Variants in MAPK10 observed in about 807,000 individuals in gnomAD.
MAPK10 encodes mitogen-activated protein kinase 10.
In MAPK10, 25 loss-of-function variants were observed where a neutral mutation model predicts 59.3. The observed-to-expected ratio is 0.42, with a 90% CI of 0.31 to 0.59. The LOEUF (loss-of-function observed/expected upper bound fraction) is 0.59, where lower values mean the gene tolerates loss of function less well. Ranked by LOEUF, MAPK10 falls within the 20% of genes least tolerant of loss-of-function variation. The pLI is 0.15. For missense variants in MAPK10, 351 were observed against 568.9 expected (o/e 0.62, Z 3.90); for synonymous variants, 190 against 200.5 (o/e 0.95, Z 0.44).
intron 9 of MAPK10, among the ~76,000 whole-genome samples, 173 bp from the exon 10 acceptor site, chr4:86,068,128 T>C (rs2047089230): frequency 6.6e-6 from 1 of 152,320 alleles, no homozygotes; most frequent in South Asian, 2.1e-4. Context: ...CTTCTTGAAA[T>C]TTTAAATTCA....
rs574934500 is a variant in MAPK10, at chr4:86,279,709, T to C, written c.-7+74821A>G. Among the ~76,000 whole-genome samples the C allele has an allele frequency of 2.5e-3, 378 of 152,056 alleles. 2 individuals carry two copies. The highest frequency in any genetic ancestry group is 8.7e-3 in the African/African-American group (363 of 41,486). On this transcript the variant is annotated intron_variant, in intron 2 of 13. Coordinates refer to ENST00000641462, the MANE Select transcript of MAPK10 (RefSeq NM_138982.4). ...AGGGGGGGCTCAACTAACCAAACACTCCCAATTGGAATTTCGATTCCTGAA... is the reference window on the plus strand; with the variant it reads ...AGGGGGGGCTCAACTAACCAAACACCCCCAATTGGAATTTCGATTCCTGAA...
chr4:86,321,041 T>A (rs1286086206), intron 2 of MAPK10, among the ~76,000 whole-genome samples: 1 of 152,068 alleles, frequency 6.6e-6, no homozygotes, highest in African/African-American at 2.4e-5. Context: ...TGAGATACCA[T>A]CTCACACCAG....
chr4:86,352,328 A>G (rs1185975906), intron 2 of MAPK10: 5 of 152,204 alleles, frequency 3.3e-5, no homozygotes, highest in Non-Finnish European at 7.3e-5. Flanking sequence ...ACAATAGACT[A>G]GATAAGTAAA....
chr4:86,302,587 T>C (rs1394479741), intron 2 of MAPK10, among the ~76,000 whole-genome samples: 1 of 152,242 alleles, frequency 6.6e-6, no homozygotes, highest in Non-Finnish European at 1.5e-5. Context: ...ATTTTACTGC[T>C]GATTTTTAAG....
intron 1 of MAPK10, among the ~76,000 whole-genome samples, chr4:86,528,827 C>T (rs1757663881): frequency 6.6e-6 from 1 of 152,194 alleles, no homozygotes; most frequent in East Asian, 1.9e-4. Context: ...TATTAGAACA[C>T]TCTCATTCAG....
At chr4:86,495,034 C>A (rs997769092) in intron 1 of MAPK10, among the ~76,000 whole-genome samples, 8 of 151,890 alleles carry the variant, frequency 5.3e-5, no homozygotes, top group African/African-American at 1.9e-4. Flanking sequence ...GAATTAAGGT[C>A]CAGAAAAAAC....
chr4:86,066,560 G>T (rs2046770048), intron 10 of MAPK10, among the ~76,000 whole-genome samples: 2 of 151,868 alleles, frequency 1.3e-5, no homozygotes, highest in South Asian at 4.2e-4. Context: ...AAGTCAGGAG[G>T]TCGAGACGAT....
chr4:86,506,208 T>C (rs1206378731), intron 1 of MAPK10, among the ~76,000 whole-genome samples: 1 of 152,098 alleles, frequency 6.6e-6, no homozygotes, highest in Non-Finnish European at 1.5e-5. Context: ...ATTCTGAACA[T>C]AATACCAAGG....
chr4:86,579,336 T>C (rs1762105025), intron 1 of MAPK10, among the ~76,000 whole-genome samples: 1 of 152,204 alleles, frequency 6.6e-6, no homozygotes, highest in African/African-American at 2.4e-5. Context: ...TTGTTTTTTC[T>C]GACTAGGTAA....
At chr4:86,372,473 C>T (rs748395308) in intron 1 of MAPK10, among the ~76,000 whole-genome samples, 3 of 149,200 alleles carry the variant, frequency 2.0e-5, no homozygotes, top group Non-Finnish European at 4.4e-5. Flanking sequence ...GCTGAGATGA[C>T]ACCACTGCAC....
intron 2 of MAPK10, among the ~76,000 whole-genome samples, chr4:86,211,413 G>A (rs1258983040): frequency 6.6e-6 from 1 of 152,078 alleles, no homozygotes; most frequent in Non-Finnish European, 1.5e-5. Context: ...GAGGGCAGAA[G>A]GGAGTGGGCT....
At chr4:86,130,166 A>C (rs78227126) in intron 4 of MAPK10, among the ~76,000 whole-genome samples, 2,533 of 152,260 alleles carry the variant, frequency 0.017, 71 homozygotes, top group African/African-American at 0.058. Context: ...CACTTTTGAC[A>C]ATCAAGTTCA....
intron 9 of MAPK10, among the ~76,000 whole-genome samples, chr4:86,091,924 G>A (rs142046218): frequency 3.9e-5 from 6 of 151,944 alleles, no homozygotes; most frequent in East Asian, 1.9e-4. Flanking sequence ...TGCCCACCTC[G>A]GCCTCCCAAA....
chr4:86,280,566 T>C (rs768136614), intron 2 of MAPK10, among the ~76,000 whole-genome samples: 7 of 152,026 alleles, frequency 4.6e-5, no homozygotes, highest in African/African-American at 4.8e-5. Context: ...AAACTAAAGA[T>C]AGAACTACCA....
intron 1 of MAPK10, among the ~76,000 whole-genome samples, chr4:86,513,212 T>G (rs755767036): frequency 3.9e-5 from 6 of 152,098 alleles, no homozygotes; most frequent in Non-Finnish European, 8.8e-5. Flanking sequence ...TATGCTCAAT[T>G]TATTTTTTTA....
At chr4:86,426,415 G>C (rs1747288438) in intron 1 of MAPK10, among the ~76,000 whole-genome samples, 1 of 152,130 alleles carries the variant, frequency 6.6e-6, no homozygotes, top group Non-Finnish European at 1.5e-5. Context: ...TTTTATTACT[G>C]GGTGATCAGA....
intron 1 of MAPK10, among the ~76,000 whole-genome samples, chr4:86,570,987 T>C (rs1761402106): frequency 6.6e-6 from 1 of 152,036 alleles, no homozygotes; most frequent in Non-Finnish European, 1.5e-5. Flanking sequence ...GTTCCAGTTA[T>C]AACCAGCTAC....
intron 2 of MAPK10, among the ~76,000 whole-genome samples, chr4:86,298,618 G>T (rs1335133048): frequency 6.6e-6 from 1 of 152,192 alleles, no homozygotes; most frequent in African/African-American, 2.4e-5. Context: ...CAGCATCTCA[G>T]TGCCAGGCAT....
At chr4:86,151,343 G>T (rs942539147) in intron 4 of MAPK10, among the ~76,000 whole-genome samples, 4 of 152,314 alleles carry the variant, frequency 2.6e-5, no homozygotes, top group African/African-American at 9.6e-5. Context: ...GATTGTAACA[G>T]CCGCCTTGGG....
Sources: gnomAD v4.1 joint callset for allele counts (sites outside exome capture counted in the v4.1 genomes callset) on GRCh38, gnomAD v4.1.1 for gene constraint, MANE v1.5 for transcripts, NCBI Gene and HGNC (gene_info 2026-07-23, HGNC 2026-07-21) for gene names.